Variants in METTL15 observed in about 807,000 individuals in gnomAD.
METTL15 encodes the protein methyltransferase 15, mitochondrial 12S rRNA N4-cytidine.
Under a neutral mutation model 38.3 loss-of-function variants are expected in METTL15, and 34 were observed. That is an observed-to-expected ratio of 0.89 (90% confidence interval 0.68 to 1.18). METTL15 has a LOEUF of 1.18. Among genes scored for constraint, METTL15 ranks in the 50% most tolerant of loss-of-function variants. The pLI is 0.00. For missense variants in METTL15, 438 were observed against 498.4 expected, an observed-to-expected ratio of 0.88 and a Z score of 1.15; for synonymous variants, 162 against 170.9, an observed-to-expected ratio of 0.95 and a Z score of 0.41.
intron 4 of METTL15, among the ~76,000 whole-genome samples, chr11:28,222,132 C>G (rs923834389): frequency 1.3e-5 from 2 of 152,188 alleles, no homozygotes; most frequent in Admixed American, 6.5e-5. Flanking sequence ...TTTTGTTTAG[C>G]TATGCCCTGC....
intron 3 of METTL15, among the ~76,000 whole-genome samples, chr11:28,193,470 C>T (rs1290421310): frequency 6.6e-6 from 1 of 152,022 alleles, no homozygotes; most frequent in Non-Finnish European, 1.5e-5. Context: ...ATGAGAACAT[C>T]ACTAGGGGGA....
intron 5 of METTL15, among the ~76,000 whole-genome samples, chr11:28,371,038 A>G (rs746663689): frequency 6.6e-6 from 1 of 151,844 alleles, no homozygotes; most frequent in East Asian, 1.9e-4. Context: ...TCTTTGCTCT[A>G]CAGAAGCTTT....
intron 5 of METTL15, among the ~76,000 whole-genome samples, chr11:28,400,236 T>C (rs1474292832): frequency 6.6e-6 from 1 of 151,932 alleles, no homozygotes; most frequent in Non-Finnish European, 1.5e-5. Context: ...ATTTTCTCTT[T>C]TTTTTTTCAC....
intron 6 of METTL15, among the ~76,000 whole-genome samples, chr11:28,488,798 T>G (rs946863897): frequency 2.0e-5 from 3 of 152,118 alleles, no homozygotes; most frequent in Admixed American, 6.6e-5. Context: ...TTTGTGAACC[T>G]TCCTAGACCT....
chr11:28,123,388 C>T (rs556751048), intron 3 of METTL15, among the ~76,000 whole-genome samples: 1 of 152,202 alleles, frequency 6.6e-6, no homozygotes, highest in Admixed American at 6.5e-5. Context: ...TACTCTTCTT[C>T]CACTGCCTTC....
intron 6 of METTL15, among the ~76,000 whole-genome samples, chr11:28,327,304 T>C (rs561852313): frequency 8.5e-5 from 13 of 152,324 alleles, no homozygotes; most frequent in Non-Finnish European, 1.3e-4. Flanking sequence ...GAAAGCTTCA[T>C]AGATTAAAGT....
chr11:28,330,561 G>T lies in METTL15; in HGVS notation c.944G>T (p.Arg315Leu). 1 of 1,551,606 alleles carries T rather than the reference G, an allele frequency of 6.4e-7. No individual in the cohort carries two copies. Residue 315 changes from arginine (R) to leucine (L), a missense_variant, in exon 7 of 7, where the codon CGT becomes CTT. Physicochemically the swap from Arg to Leu is moderately radical, Grantham distance 102. Coordinates refer to ENST00000407364, the MANE Select transcript of METTL15 (RefSeq NM_001113528.2). ...CAGAAGTTTCTGAGACCTGGTGGTCGTCTTGTTGCCCTCTCCTTCCATTCA... is the reference window on the plus strand; with the variant it reads ...CAGAAGTTTCTGAGACCTGGTGGTCTTCTTGTTGCCCTCTCCTTCCATTCA... ...TAQKFLRPGG[R>L]LVALSFHSLE...
At chr11:28,464,738 G>C (rs888307073) in intron 6 of METTL15, among the ~76,000 whole-genome samples, 1 of 152,160 alleles carries the variant, frequency 6.6e-6, no homozygotes, top group African/African-American at 2.4e-5. Flanking sequence ...TTGGGGATCA[G>C]ATTAAGTTCT....
In METTL15 at chr11:28,346,500, A is replaced by G. The variant is rs555419984; in HGVS notation, c.*190-5590A>G. Among the ~76,000 whole-genome samples the G allele has an allele frequency of 2.7e-4, 41 of 152,296 alleles. No homozygotes were observed. The South Asian group carries it at 5.8e-3, about 22-fold the overall frequency. On this transcript the variant is annotated intron_variant and NMD_transcript_variant, in intron 3 of 7. Coordinates refer to the METTL15 transcript ENST00000532947. Reference sequence around the variant, plus strand: ...AGGAAGATACTCCAAACCTGGTAAAATGAGTCTAGAAAGACCATTTCCTTT... The same window carrying G: ...AGGAAGATACTCCAAACCTGGTAAAGTGAGTCTAGAAAGACCATTTCCTTT...
chr11:28,528,350 T>C (rs1421322195), downstream of METTL15, among the ~76,000 whole-genome samples: 2 of 152,200 alleles, frequency 1.3e-5, no homozygotes, highest in Non-Finnish European at 2.9e-5. Context: ...ACTAAGCAAT[T>C]ATGTAAGGAC....
At chr11:28,307,604 C>G (rs1324806638) in intron 6 of METTL15, among the ~76,000 whole-genome samples, 2 of 151,886 alleles carry the variant, frequency 1.3e-5, no homozygotes, top group African/African-American at 4.8e-5. Context: ...AATGGTAAAT[C>G]AGGCTAAATA....
chr11:28,217,114 C>A (rs1852920885), intron 4 of METTL15, among the ~76,000 whole-genome samples: 1 of 152,100 alleles, frequency 6.6e-6, no homozygotes, highest in Non-Finnish European at 1.5e-5. Flanking sequence ...ATTTCTAATT[C>A]TAGATCCCTG....
chr11:28,206,102 T>C (rs1390034932), intron 3 of METTL15, among the ~76,000 whole-genome samples: 2 of 149,218 alleles, frequency 1.3e-5, no homozygotes, highest in Non-Finnish European at 3.0e-5. Flanking sequence ...GCAGAAGCTC[T>C]TTAGTTTAAT....
chr11:28,455,798 C>T (rs1229960928), intron 6 of METTL15, among the ~76,000 whole-genome samples: 1 of 152,164 alleles, frequency 6.6e-6, no homozygotes, highest in Non-Finnish European at 1.5e-5. Flanking sequence ...GCTCCACCTC[C>T]TGGGTTCATG....
At chr11:28,388,488 TA>T (rs1204983703) in intron 5 of METTL15, among the ~76,000 whole-genome samples, 1 of 152,030 alleles carries the variant, frequency 6.6e-6, no homozygotes, top group Non-Finnish European at 1.5e-5. Context: ...CAGTTAGGAA[TA>T]AATTTAACCA....
intron 4 of METTL15, among the ~76,000 whole-genome samples, chr11:28,235,189 T>G (rs879918814): frequency 6.6e-6 from 1 of 152,112 alleles, no homozygotes; most frequent in African/African-American, 2.4e-5. Context: ...ACCAGTACCA[T>G]GCTGTTTTGG....
intron 3 of METTL15, among the ~76,000 whole-genome samples, chr11:28,172,902 T>C (rs1390432621): frequency 6.6e-6 from 1 of 152,164 alleles, no homozygotes; most frequent in Non-Finnish European, 1.5e-5. Context: ...GCTACTTTTT[T>C]TTGTTTTCCT....
intron 3 of METTL15, among the ~76,000 whole-genome samples, chr11:28,205,912 G>T (rs1159090615): frequency 6.7e-6 from 1 of 149,840 alleles, no homozygotes; most frequent in Non-Finnish European, 1.5e-5. Context: ...CTTCTTTTGA[G>T]AAGTGTCTGC....
At chr11:28,501,713 C>T (rs1482719053) in intron 6 of METTL15, among the ~76,000 whole-genome samples, 1 of 152,122 alleles carries the variant, frequency 6.6e-6, no homozygotes, top group Non-Finnish European at 1.5e-5. Context: ...TAAGACCAGT[C>T]TCATGTCAGT....
Sources: allele counts gnomAD v4.1 joint callset (sites outside exome capture counted in the v4.1 genomes callset), GRCh38; gene constraint gnomAD v4.1.1; transcripts MANE v1.5; gene names NCBI Gene and HGNC (gene_info 2026-07-23, HGNC 2026-07-21).